The following PLCB1 variants were observed in gnomAD, a reference collection of about 807,000 sequenced individuals.
PLCB1 encodes 1-phosphatidylinositol 4,5-bisphosphate phosphodiesterase beta-1.
PLCB1 carries 46 observed loss-of-function variants against 161.8 expected under a neutral mutation model. The ratio of observed to expected loss-of-function variants is 0.28; its 90% CI spans 0.22 to 0.36. The LOEUF is 0.36. Among genes scored for constraint, PLCB1 ranks in the 10% least tolerant of loss-of-function variants. The pLI is 1.00. For missense variants in PLCB1, 1,016 were observed against 1,472.5 expected (o/e 0.69, Z 5.07); for synonymous variants, 517 against 503.7 (o/e 1.03, Z -0.35).
chr20:8,507,919 A>G (rs535790181), intron 3 of PLCB1, among the ~76,000 whole-genome samples: 1 of 152,276 alleles, frequency 6.6e-6, no homozygotes, highest in South Asian at 2.1e-4. Context: ...TGATTTTGCA[A>G]TGCATTATTG....
At chr20:8,381,301 C>T (rs544459460) in intron 3 of PLCB1, among the ~76,000 whole-genome samples, 3 of 152,100 alleles carry the variant, frequency 2.0e-5, no homozygotes, top group African/African-American at 4.8e-5. Context: ...CTGTCTTGAT[C>T]GTAGTGGATA....
chr20:8,870,196 G>A (rs960882524), intron 31 of PLCB1, among the ~76,000 whole-genome samples: 12 of 152,136 alleles, frequency 7.9e-5, no homozygotes, highest in Non-Finnish European at 7.3e-5. Flanking sequence ...AATTGACGAG[G>A]TCCTGGTCCT....
chr20:8,490,203 G>T (rs1183077685), intron 3 of PLCB1, among the ~76,000 whole-genome samples: 1 of 152,108 alleles, frequency 6.6e-6, no homozygotes, highest in Non-Finnish European at 1.5e-5. Context: ...TTTGAACAAT[G>T]AAATACAAGG....
At chr20:8,486,156 G>A (rs772805833) in intron 3 of PLCB1, among the ~76,000 whole-genome samples, 51 of 152,106 alleles carry the variant, frequency 3.4e-4, no homozygotes, top group Non-Finnish European at 4.3e-4. Context: ...TTACCTCCAC[G>A]GGGTCCCTCC....
chr20:8,136,975 G>C (rs74946103), intron 1 of PLCB1, among the ~76,000 whole-genome samples: 4 of 151,932 alleles, frequency 2.6e-5, no homozygotes. Flanking sequence ...AACATTGCAC[G>C]TTCTGTCTTA....
At position 8,881,608 on chromosome 20, in the gene PLCB1, TTGA is replaced by T. The variant is rs758088248; in HGVS notation, c.3424-11_3424-9del. On this transcript the variant is annotated splice_polypyrimidine_tract_variant and intron_variant, in intron 31 of 31. Coordinates refer to ENST00000338037, the MANE Select transcript of PLCB1 (RefSeq NM_015192.4). Reference sequence around the variant, plus strand: ...AAACAACTTCAAGTCATCTCCCCTCTTGATGTCTCTCAGCTGCAGGTGGAGCTG... The same window carrying T: ...AAACAACTTCAAGTCATCTCCCCTCTTGTCTCTCAGCTGCAGGTGGAGCTG... 4 of 1,601,054 alleles carry T rather than the reference TTGA, an allele frequency of 2.5e-6. No individual in the cohort carries two copies. The highest frequency in any genetic ancestry group is 3.4e-6 in the Non-Finnish European group (4 of 1,168,220).
In PLCB1 at chr20:8,539,675, T is replaced by TCTTTCTTTC; in HGVS notation, c.247-88618_247-88610dup. Among the ~76,000 whole-genome samples the TCTTTCTTTC allele has an allele frequency of 4.3e-5, 4 of 92,224 alleles. No individual in the cohort carries two copies. In the Admixed American group the frequency reaches 5.3e-4, roughly 12 times the overall value. 60.5% of individuals were successfully genotyped at this position (92,224 alleles called of 152,430 possible). A position where few individuals can be genotyped will look rare whatever the true frequency, so the allele number is the denominator to read the frequency against. ...TTCTTTCTTTCTTTCTTTCTTTCTTTCTTTCTTTCTTTTTCTTTTTCCTTC... is the reference window on the plus strand; with the variant it reads ...TTCTTTCTTTCTTTCTTTCTTTCTTTCTTTCTTTCCTTTCTTTCTTTTTCTTTTTCCTTC... On this transcript the variant is annotated intron_variant, in intron 3 of 31. Coordinates refer to ENST00000338037, the MANE Select transcript of PLCB1 (RefSeq NM_015192.4).
chr20:8,724,383 C>A (rs747789130), intron 15 of PLCB1, among the ~76,000 whole-genome samples: 2 of 151,966 alleles, frequency 1.3e-5, no homozygotes, highest in Non-Finnish European at 2.9e-5. Flanking sequence ...TCAGGCATTT[C>A]TAAATGGAAA....
At chr20:8,668,907 AG>A (rs1293125787) in intron 9 of PLCB1, among the ~76,000 whole-genome samples, 7 of 152,254 alleles carry the variant, frequency 4.6e-5, no homozygotes, top group African/African-American at 1.7e-4. Context: ...ATATCAAAAA[AG>A]AGATCCTTCA....
intron 3 of PLCB1, among the ~76,000 whole-genome samples, chr20:8,408,931 A>C (rs532972668): frequency 6.6e-6 from 1 of 152,352 alleles, no homozygotes; most frequent in African/African-American, 2.4e-5. Flanking sequence ...GGTCTATTTG[A>C]ATAAAGGGCT....
intron 2 of PLCB1, among the ~76,000 whole-genome samples, chr20:8,278,098 T>G (rs1010775516): frequency 5.3e-5 from 8 of 151,852 alleles, no homozygotes; most frequent in Admixed American, 1.3e-4. Context: ...GTGCAATAAA[T>G]GCTGCAATAA....
chr20:8,878,691 A>T (rs967466508), intron 31 of PLCB1, among the ~76,000 whole-genome samples: 9 of 151,966 alleles, frequency 5.9e-5, no homozygotes, highest in African/African-American at 2.2e-4. Context: ...AGCCATTTTT[A>T]CCAGATACCA....
At chr20:8,428,705 G>A (rs1005294437) in intron 3 of PLCB1, among the ~76,000 whole-genome samples, 4 of 152,156 alleles carry the variant, frequency 2.6e-5, no homozygotes, top group Non-Finnish European at 5.9e-5. Flanking sequence ...GATTGAATAG[G>A]AAGTTCTACC....
intron 3 of PLCB1, among the ~76,000 whole-genome samples, chr20:8,593,702 T>G (rs1372862570): frequency 1.3e-5 from 2 of 152,080 alleles, no homozygotes; most frequent in East Asian, 3.9e-4. Flanking sequence ...TAAGTAACAG[T>G]GATAGTAATT....
At chr20:8,684,229 ATTATTTATTTAT>A (rs111508342) in intron 9 of PLCB1, among the ~76,000 whole-genome samples, 72 of 145,148 alleles carry the variant, frequency 5.0e-4, no homozygotes, top group Middle Eastern at 3.4e-3. Context: ...CCACTTGTAA[ATTATTTATTTAT>A]TTATTTATTT....
intron 23 of PLCB1, among the ~76,000 whole-genome samples, chr20:8,749,693 G>A (rs1362901054): frequency 1.3e-5 from 2 of 152,058 alleles, no homozygotes. Context: ...CATATAAAAG[G>A]GTCAGCAGAG....
At chr20:8,762,153 T>G (rs1403813652) in intron 25 of PLCB1, among the ~76,000 whole-genome samples, 2 of 152,114 alleles carry the variant, frequency 1.3e-5, no homozygotes, top group African/African-American at 4.8e-5. Flanking sequence ...GAGGTTGCCG[T>G]GAGCCAAGGT....
chr20:8,462,185 T>C (rs1981609626), intron 3 of PLCB1, among the ~76,000 whole-genome samples: 1 of 152,160 alleles, frequency 6.6e-6, no homozygotes, highest in East Asian at 1.9e-4. Flanking sequence ...GGGGTAACAT[T>C]TCGCAAGTGT....
chr20:8,544,395 G>T (rs755389800), intron 3 of PLCB1, among the ~76,000 whole-genome samples: 20 of 152,172 alleles, frequency 1.3e-4, no homozygotes, highest in Non-Finnish European at 2.5e-4. Flanking sequence ...ACTAGGTCAG[G>T]ATTTATGAGA....
Sources: allele counts gnomAD v4.1 joint callset (sites outside exome capture counted in the v4.1 genomes callset), GRCh38; gene constraint gnomAD v4.1.1; transcripts MANE v1.5; gene names NCBI Gene and HGNC (gene_info 2026-07-23, HGNC 2026-07-21).